Variants in C8orf34 observed in about 807,000 individuals in gnomAD.
C8orf34 encodes the protein chromosome 8 open reading frame 34.
C8orf34 carries 65 observed loss-of-function variants against 68.3 expected under a neutral mutation model. The observed-to-expected ratio is 0.95, with a 90% CI of 0.78 to 1.17. The LOEUF (loss-of-function observed/expected upper bound fraction) is 1.17. Ranked by LOEUF, C8orf34 falls within the 50% of genes most tolerant of loss-of-function variation. The pLI is 0.00. For synonymous variants in C8orf34, 244 were observed against 241.2 expected, an observed-to-expected ratio of 1.01 and a Z score of -0.11; for missense variants, 664 against 655.4, an observed-to-expected ratio of 1.01 and a Z score of -0.14.
At chr8:68,468,317 TA>T (rs1812234752) in intron 3 of C8orf34, among the ~76,000 whole-genome samples, 2 of 152,062 alleles carry the variant, frequency 1.3e-5, no homozygotes, top group African/African-American at 2.4e-5. Flanking sequence ...ATGAATGTCC[TA>T]AAAATATTTA....
intron 7 of C8orf34, among the ~76,000 whole-genome samples, chr8:68,578,076 T>TA (rs1172142348): frequency 6.6e-6 from 1 of 150,732 alleles, no homozygotes; most frequent in Non-Finnish European, 1.5e-5. Context: ...AAGAAGTAGG[T>TA]AAAAAAATAA....
intron 7 of C8orf34, among the ~76,000 whole-genome samples, chr8:68,610,017 A>G (rs948273667): frequency 1.3e-5 from 2 of 152,170 alleles, no homozygotes; most frequent in Non-Finnish European, 2.9e-5. Context: ...GATCAAGTGC[A>G]TCGTTATCTC....
At chr8:68,601,104 G>A (rs1159118706) in intron 7 of C8orf34, among the ~76,000 whole-genome samples, 2 of 152,074 alleles carry the variant, frequency 1.3e-5, no homozygotes, top group African/African-American at 2.4e-5. Context: ...CCTTCATGTT[G>A]AAATCCACTA....
chr8:68,347,125 T>G (rs942538370), intron 1 of C8orf34, among the ~76,000 whole-genome samples: 1 of 151,544 alleles, frequency 6.6e-6, no homozygotes, highest in Non-Finnish European at 1.5e-5. Flanking sequence ...CCCTCCACTC[T>G]CAAGTAGACC....
chr8:68,684,855 C>A (rs1179187064), intron 8 of C8orf34, among the ~76,000 whole-genome samples: 4 of 151,802 alleles, frequency 2.6e-5, no homozygotes, highest in Admixed American at 2.6e-4. Context: ...CTCCGTCACC[C>A]AGGCTGGAGT....
chr8:68,633,451 T>C (rs1563575283), intron 7 of C8orf34, among the ~76,000 whole-genome samples: 1 of 152,224 alleles, frequency 6.6e-6, no homozygotes, highest in East Asian at 1.9e-4. Context: ...CATTCTTCTC[T>C]CACTTACTAG....
At chr8:68,434,494 T>C (rs1469287097) in intron 1 of C8orf34, among the ~76,000 whole-genome samples, 2 of 152,250 alleles carry the variant, frequency 1.3e-5, no homozygotes, top group Admixed American at 6.5e-5. Flanking sequence ...TACTATTTTA[T>C]GGCTGCATAG....
Position 68,651,729 on chromosome 8 carries a change from A to G in C8orf34, c.1241+11218A>G, listed in dbSNP as rs142517969. On this transcript the variant is annotated intron_variant, in intron 8 of 13. Transcript: ENST00000518698. ...TACACATGGACATAAGGATGGAAAC[A>G]ATAGACCCTGGGGATTCCAAAAGTG... Among the ~76,000 whole-genome samples, 483 of 152,282 alleles carry G rather than the reference A, an allele frequency of 3.2e-3. 1 individual carries two copies. Among genetic ancestry groups the G allele is most frequent in the Middle Eastern group, 6.8e-3 (2 of 294 alleles).
intron 8 of C8orf34, among the ~76,000 whole-genome samples, chr8:68,660,956 A>C (rs1819657675): frequency 6.6e-6 from 1 of 152,138 alleles, no homozygotes. Context: ...TGGGGGAGAA[A>C]ATATATAGCA....
Position 68,663,888 on chromosome 8 carries a change from A to C in C8orf34, c.1241+23377A>C, listed in dbSNP as rs536354971. Among the ~76,000 whole-genome samples the C allele has an allele frequency of 2.6e-5, 4 of 152,336 alleles. No individual in the cohort carries two copies. In the East Asian group the frequency reaches 7.7e-4, roughly 29 times the overall value. On this transcript the variant is annotated intron_variant, in intron 8 of 13. Transcript: ENST00000518698. ...AAAATAGACAATAAGTTTAGAGACA[A>C]AGTGTTTGGGGCAAAGAAAGTGACT...
At chr8:68,429,803 ATATTG>A (rs1451100402) in intron 1 of C8orf34, among the ~76,000 whole-genome samples, 1 of 152,186 alleles carries the variant, frequency 6.6e-6, no homozygotes, top group Non-Finnish European at 1.5e-5. Context: ...TAGGTAATAG[ATATTG>A]TATGTGCCTG....
At chr8:68,659,401 G>A (rs953043017) in intron 8 of C8orf34, among the ~76,000 whole-genome samples, 1 of 151,974 alleles carries the variant, frequency 6.6e-6, no homozygotes, top group Admixed American at 6.5e-5. Context: ...AATAGGTTGT[G>A]GTGTTTTTAA....
At position 68,818,235 on chromosome 8, in the gene C8orf34, G is replaced by T; in HGVS notation, c.1610-4G>T. ...TTTTCTTCTGTTTCATTTCTCCTCT[G>T]CAGGTTTGTGAAACAGAGAGAAGAA... is the stretch of plus-strand genomic sequence containing the variant. On this transcript the variant is annotated splice_region_variant and splice_polypyrimidine_tract_variant and intron_variant, in intron 13 of 13. Transcript: ENST00000518698. The T allele has an allele frequency of 6.2e-7, 1 of 1,612,266 alleles. No individual in the cohort carries two copies. Among genetic ancestry groups the T allele is most frequent in the Non-Finnish European group, 8.5e-7 (1 of 1,179,102 alleles).
In C8orf34 at chr8:68,774,944, TAAA is replaced by T. The variant is rs1224756627; in HGVS notation, c.1405-1434_1405-1432del. 8.7e-4 allele frequency among the ~76,000 whole-genome samples: 39 copies of T among 44,678 alleles called. 2 individuals are homozygous for T. The highest frequency in any genetic ancestry group is 3.5e-3 in the African/African-American group (28 of 7,988). The allele number at this position is 44,678 out of a possible 152,430, so 29.3% of individuals were successfully genotyped here. ...CAACATGATGAAACCCTGTCTCCACTAAAAAAAAAAAAAAAAAAAAAAATTAGC... is the reference window on the plus strand; with the variant it reads ...CAACATGATGAAACCCTGTCTCCACTAAAAAAAAAAAAAAAAAAAATTAGC... On this transcript the variant is annotated intron_variant, in intron 10 of 13. Transcript: ENST00000518698.
intron 1 of C8orf34, among the ~76,000 whole-genome samples, chr8:68,368,059 A>T (rs1807390546): frequency 6.6e-6 from 1 of 151,976 alleles, no homozygotes; most frequent in South Asian, 2.1e-4. Flanking sequence ...TCTGTATTTT[A>T]AAGTATTTAA....
At chr8:68,382,542 T>C (rs1586025449) in intron 1 of C8orf34, among the ~76,000 whole-genome samples, 1 of 152,232 alleles carries the variant, frequency 6.6e-6, no homozygotes, top group African/African-American at 2.4e-5. Flanking sequence ...GCTGGACCAA[T>C]GGGCCTTAGG....
intron 9 of C8orf34, among the ~76,000 whole-genome samples, chr8:68,720,728 T>C (rs1056278548): frequency 3.9e-5 from 6 of 151,916 alleles, no homozygotes; most frequent in African/African-American, 1.4e-4. Flanking sequence ...ATAGAAATCC[T>C]TGTTGTTCTG....
chr8:68,592,593 CTTCTT>C (rs67507325), intron 7 of C8orf34, among the ~76,000 whole-genome samples: 50,583 of 113,200 alleles, frequency 0.45, 10,686 homozygotes, highest in Non-Finnish European at 0.47. Flanking sequence ...CAATTTATCT[CTTCTT>C]TTTTTTTTTT....
At chr8:68,524,574 A>G (rs1372836775) in intron 6 of C8orf34, among the ~76,000 whole-genome samples, 1 of 152,198 alleles carries the variant, frequency 6.6e-6, no homozygotes, top group Non-Finnish European at 1.5e-5. Context: ...AGTGAGAGGA[A>G]TTCACCGAAC....
Sources: gnomAD v4.1 joint callset for allele counts (sites outside exome capture counted in the v4.1 genomes callset) on GRCh38, gnomAD v4.1.1 for gene constraint, MANE v1.5 for transcripts, NCBI Gene and HGNC (gene_info 2026-07-23, HGNC 2026-07-21) for gene names.